The following NOL4 variants were observed in gnomAD, a reference collection of about 807,000 sequenced individuals.
NOL4 encodes the protein nucleolar protein 4, also known as cancer/testis antigen 125.
In NOL4, 17 loss-of-function variants were observed where a neutral mutation model predicts 75.9. That is an observed-to-expected ratio of 0.22 (90% CI 0.15 to 0.34). The LOEUF (loss-of-function observed/expected upper bound fraction) is 0.34. NOL4 is among the 10% of genes least tolerant of loss of function. The pLI, the probability that NOL4 is intolerant of heterozygous loss-of-function variation, is 1.00. For synonymous variants in NOL4, 292 were observed against 289.9 expected, an observed-to-expected ratio of 1.01 and a Z score of -0.07; for missense variants, 614 against 793.5, an observed-to-expected ratio of 0.77 and a Z score of 2.72.
At chr18:33,933,663 T>C (rs949139946) in intron 9 of NOL4, among the ~76,000 whole-genome samples, 1 of 152,188 alleles carries the variant, frequency 6.6e-6, no homozygotes, top group African/African-American at 2.4e-5. Context: ...CAACTTTTCA[T>C]CCACTGAAGA....
chr18:34,152,599 C>T (rs1568398776), intron 1 of NOL4, among the ~76,000 whole-genome samples: 1 of 151,716 alleles, frequency 6.6e-6, no homozygotes, highest in Admixed American at 6.6e-5. Flanking sequence ...GAAAAAACAG[C>T]CAGAAAGATG....
At chr18:34,097,815 C>A (rs896102278) in intron 4 of NOL4, among the ~76,000 whole-genome samples, 31 of 151,958 alleles carry the variant, frequency 2.0e-4, no homozygotes, top group African/African-American at 7.5e-4. Context: ...ATATCACATT[C>A]CTTAGGATAA....
intron 9 of NOL4, among the ~76,000 whole-genome samples, chr18:33,889,361 A>C (rs1031082321): frequency 6.6e-6 from 1 of 152,138 alleles, no homozygotes; most frequent in Non-Finnish European, 1.5e-5. Flanking sequence ...CAGGTTCTGA[A>C]ATTGAGGCAA....
intron 1 of NOL4, among the ~76,000 whole-genome samples, chr18:34,198,851 A>G (rs1174614642): frequency 6.6e-6 from 1 of 151,864 alleles, no homozygotes; most frequent in Non-Finnish European, 1.5e-5. Context: ...GACAAAATTC[A>G]TACTACTTGC....
chr18:34,029,864 T>C (rs2075548038), intron 5 of NOL4, among the ~76,000 whole-genome samples: 1 of 152,158 alleles, frequency 6.6e-6, no homozygotes, highest in South Asian at 2.1e-4. Context: ...AAAGTACTAT[T>C]TTATACAACC....
chr18:34,119,111 A>G (rs2079998608), intron 2 of NOL4, among the ~76,000 whole-genome samples: 1 of 152,208 alleles, frequency 6.6e-6, no homozygotes, highest in African/African-American at 2.4e-5. Flanking sequence ...AAACTCTCAG[A>G]TAAAAAGTTC....
intron 9 of NOL4, among the ~76,000 whole-genome samples, chr18:33,910,776 T>G (rs1257918070): frequency 1.3e-5 from 2 of 152,136 alleles, no homozygotes; most frequent in African/African-American, 2.4e-5. Flanking sequence ...TTTGGTGTGG[T>G]TTGGCTAGTA....
rs990346931 is a variant in NOL4, at chr18:33,942,836, G to A, written c.1542+229C>T. On this transcript the variant is annotated intron_variant, in intron 9 of 10. Coordinates refer to ENST00000261592, the MANE Select transcript of NOL4 (RefSeq NM_003787.5). ...TGGATACTAAACAGAATCATAACTC[G>A]TTAGTTTTGCTACTGTTCATTTTCG... 5.3e-5 allele frequency among the ~76,000 whole-genome samples: 8 copies of A among 151,782 alleles called. 1 individual carries two copies. The South Asian group carries it at 1.5e-3, about 28-fold the overall frequency.
intron 5 of NOL4, among the ~76,000 whole-genome samples, chr18:34,069,969 C>G (rs961342196): frequency 3.9e-5 from 6 of 152,218 alleles, no homozygotes; most frequent in Non-Finnish European, 8.8e-5. Flanking sequence ...TCTAGGTAGC[C>G]CACCTCCAGC....
chr18:34,167,340 A>G (rs2032501451), intron 1 of NOL4, among the ~76,000 whole-genome samples: 1 of 151,998 alleles, frequency 6.6e-6, no homozygotes, highest in Admixed American at 6.6e-5. Flanking sequence ...CACCTCCTAC[A>G]TATCCAGTTA....
intron 5 of NOL4, among the ~76,000 whole-genome samples, chr18:34,081,911 T>G (rs906455247): frequency 6.6e-6 from 1 of 152,306 alleles, no homozygotes; most frequent in South Asian, 2.1e-4. Flanking sequence ...TTAGGTTTCC[T>G]ACTCCTGTTT....
intron 1 of NOL4, among the ~76,000 whole-genome samples, chr18:34,191,713 G>A (rs2146406683): frequency 6.6e-6 from 1 of 152,204 alleles, no homozygotes; most frequent in Admixed American, 6.5e-5. Flanking sequence ...TGTTTTATAG[G>A]TGGGGTTTAT....
chr18:34,001,543 T>G (rs1430125770), intron 6 of NOL4, among the ~76,000 whole-genome samples: 1 of 151,928 alleles, frequency 6.6e-6, no homozygotes, highest in Non-Finnish European at 1.5e-5. Context: ...CACGTCAACA[T>G]GACATGTGCA....
intron 1 of NOL4, among the ~76,000 whole-genome samples, chr18:34,149,546 T>C (rs370565834): frequency 6.6e-6 from 1 of 151,646 alleles, no homozygotes; most frequent in Non-Finnish European, 1.5e-5. Context: ...AGTGTTTTAA[T>C]AGGAAGTAAA....
At chr18:34,125,904 C>T (rs575346515) in intron 2 of NOL4, among the ~76,000 whole-genome samples, 3 of 151,780 alleles carry the variant, frequency 2.0e-5, no homozygotes, top group Non-Finnish European at 4.4e-5. Context: ...CTGGCCTTTC[C>T]TCATGCTTTC....
chr18:33,994,227 C>T (rs1411384343), intron 6 of NOL4, among the ~76,000 whole-genome samples: 1 of 151,790 alleles, frequency 6.6e-6, no homozygotes, highest in Non-Finnish European at 1.5e-5. Flanking sequence ...CACTCCACTT[C>T]CTGGAATAGA....
intron 6 of NOL4, among the ~76,000 whole-genome samples, chr18:33,974,084 A>C (rs1001963542): frequency 2.6e-5 from 4 of 152,208 alleles, no homozygotes; most frequent in Non-Finnish European, 5.9e-5. Context: ...GTTGTTTAGC[A>C]TAGCCACCAT....
chr18:34,048,475 G>T, intron 5 of NOL4: 1 of 985,418 alleles, frequency 1.0e-6, no homozygotes, highest in African/African-American at 1.7e-5. Flanking sequence ...ACCAATGTCT[G>T]TGGCAGGCCA....
chr18:34,213,408 G>C (rs1340963797), intron 1 of NOL4, among the ~76,000 whole-genome samples: 1 of 152,130 alleles, frequency 6.6e-6, no homozygotes, highest in Non-Finnish European at 1.5e-5. Context: ...TCCTACCCCA[G>C]CTTCCTGAGT....
Sources: gnomAD v4.1 joint callset for allele counts (sites outside exome capture counted in the v4.1 genomes callset) on GRCh38, gnomAD v4.1.1 for gene constraint, MANE v1.5 for transcripts, NCBI Gene and HGNC (gene_info 2026-07-23, HGNC 2026-07-21) for gene names.